The following ADD3 variants were observed in gnomAD, a reference collection of about 807,000 sequenced individuals.
The protein encoded by ADD3 is gamma-adducin.
In ADD3, 25 loss-of-function variants were observed where a neutral mutation model predicts 80.2. That is an observed-to-expected ratio of 0.31 (90% confidence interval 0.23 to 0.44). The LOEUF is 0.44. Among genes scored for constraint, ADD3 ranks in the 20% least tolerant of loss-of-function variants. The probability of loss-of-function intolerance (pLI) is 1.00; values close to 1 mark genes in which losing one functional copy is unlikely to be tolerated. For missense variants in ADD3, 829 were observed against 847.5 expected (o/e 0.98, Z 0.27); for synonymous variants, 284 against 289.6 (o/e 0.98, Z 0.20).
intron 1 of ADD3, among the ~76,000 whole-genome samples, chr10:110,063,784 A>ATATATATATAT (rs1230336153): frequency 7.5e-5 from 4 of 53,314 alleles, no homozygotes; most frequent in Non-Finnish European, 1.8e-4. Context: ...TATATATATA[A>ATATATATATAT]AGTGAACACC....
At chr10:110,100,562 C>T in intron 1 of ADD3, 63 bp from the exon 2 acceptor site, 1 of 1,102,338 alleles carries the variant, frequency 9.1e-7, no homozygotes, top group Non-Finnish European at 1.2e-6. Context: ...TCTGCTTGAC[C>T]CATGTAAATT....
At chr10:110,035,202 G>C (rs1430396497) in intron 1 of ADD3, among the ~76,000 whole-genome samples, 1 of 152,152 alleles carries the variant, frequency 6.6e-6, no homozygotes, top group Non-Finnish European at 1.5e-5. Context: ...TTTGTCCTTA[G>C]GGTTTCATTA....
intron 1 of ADD3, among the ~76,000 whole-genome samples, chr10:110,035,388 G>A (rs573615372): frequency 6.6e-6 from 1 of 152,268 alleles, no homozygotes; most frequent in East Asian, 1.9e-4. Flanking sequence ...AAACTCACTA[G>A]AACAGCCTTT....
intron 1 of ADD3, among the ~76,000 whole-genome samples, chr10:110,092,460 AAC>A (rs1847652360): frequency 6.6e-6 from 1 of 152,224 alleles, no homozygotes; most frequent in Non-Finnish European, 1.5e-5. Flanking sequence ...TAAGCAAATT[AAC>A]ACAGGAACAG....
In ADD3 at chr10:110,118,651, C is replaced by A. The variant is rs779863204; in HGVS notation, c.632C>A (p.Thr211Lys). ...QGSTNLKIDH[T>K]GFSPHAAIYS... ...AGTACCAATTTGAAAATTGACCATA[C>A]AGGATTCAGTCCCCATGCTGCAATC... The change falls in exon 6 of 15, where the codon ACA becomes AAA. Residue 211 changes from threonine (T) to lysine (K), a missense_variant. Coordinates refer to ENST00000356080, the MANE Select transcript of ADD3 (RefSeq NM_016824.5). The A allele has an allele frequency of 8.7e-6, 14 of 1,613,526 alleles. No homozygotes were observed. The highest frequency in any genetic ancestry group is 1.2e-5 in the Non-Finnish European group (14 of 1,179,450).
At chr10:110,063,438 T>G (rs1843444509) in intron 1 of ADD3, among the ~76,000 whole-genome samples, 1 of 152,016 alleles carries the variant, frequency 6.6e-6, no homozygotes, top group African/African-American at 2.4e-5. Context: ...ACATTTTGTA[T>G]AGGAGTATAT....
At chr10:110,041,640 C>A (rs1856374812) in intron 1 of ADD3, among the ~76,000 whole-genome samples, 1 of 152,148 alleles carries the variant, frequency 6.6e-6, no homozygotes, top group South Asian at 2.1e-4. Flanking sequence ...TGGGCAATTT[C>A]CACTGCTCTG....
At chr10:110,093,787 T>C (rs1201369526) in intron 1 of ADD3, among the ~76,000 whole-genome samples, 1 of 152,178 alleles carries the variant, frequency 6.6e-6, no homozygotes. Context: ...TTTTGCTAAG[T>C]ACTGATGGCA....
At chr10:110,019,667 A>T (rs755260997) in intron 1 of ADD3, among the ~76,000 whole-genome samples, 1 of 152,054 alleles carries the variant, frequency 6.6e-6, no homozygotes, top group Admixed American at 6.6e-5. Flanking sequence ...TTTCTTTTAT[A>T]TAAAATATGT....
Position 110,119,220 on chromosome 10 carries a change from A to G in ADD3, c.727A>G (p.Met243Val), listed in dbSNP as rs775766673. Residue 243 changes from methionine to valine, a missense_variant, in exon 7 of 15, where the codon ATG (methionine) becomes GTG (valine). By Grantham distance (21) the Met-to-Val change is conservative. Coordinates refer to ENST00000356080, the MANE Select transcript of ADD3 (RefSeq NM_016824.5). Reference protein sequence around the residue: ...HTLATAAVSSMKCGILPISQE... With the variant: ...HTLATAAVSSVKCGILPISQE... ...GGGCCAAACCAAATAGGTATCCTCC[A>G]TGAAATGTGGGATCCTTCCAATTTC... 1 of 1,614,040 alleles carries G rather than the reference A, an allele frequency of 6.2e-7. No individual in the cohort carries two copies. The highest frequency in any genetic ancestry group is 1.3e-5 in the African/African-American group (1 of 74,932).
intron 2 of ADD3, among the ~76,000 whole-genome samples, chr10:110,105,327 G>A (rs564551636): frequency 6.0e-4 from 92 of 152,116 alleles, no homozygotes; most frequent in African/African-American, 2.1e-3. Context: ...TTCTCAAAAC[G>A]AAGTGTTCAG....
intron 1 of ADD3, among the ~76,000 whole-genome samples, chr10:110,098,598 T>C (rs1456757370): frequency 6.6e-6 from 1 of 152,194 alleles, no homozygotes; most frequent in Non-Finnish European, 1.5e-5. Flanking sequence ...CCCATATTTC[T>C]TAAAGCAAAT....
intron 1 of ADD3, among the ~76,000 whole-genome samples, chr10:110,027,296 C>G (rs766040817): frequency 6.6e-6 from 1 of 152,032 alleles, no homozygotes; most frequent in Non-Finnish European, 1.5e-5. Flanking sequence ...TTCAGTGATG[C>G]CTTTTGTACA....
chr10:110,079,461 A>AGAGTGTGTGTGTGTGTGTGTGTGTGTGT (rs1443672023), intron 1 of ADD3, among the ~76,000 whole-genome samples: 3 of 97,434 alleles, frequency 3.1e-5, no homozygotes, highest in Non-Finnish European at 5.9e-5. Flanking sequence ...AGAGAGAGAG[A>AGAGTGTGTGTGTGTGTGTGTGTGTGTGT]GTGTGTGTGT....
At chr10:110,100,590 A>G in intron 1 of ADD3, 35 bp from the exon 2 acceptor site, 1 of 1,346,422 alleles carries the variant, frequency 7.4e-7, no homozygotes, top group Non-Finnish European at 9.8e-7. Context: ...TAATGAATTT[A>G]TCATGGATGT....
At chr10:110,020,766 T>A (rs1406979989) in intron 1 of ADD3, among the ~76,000 whole-genome samples, 1 of 152,154 alleles carries the variant, frequency 6.6e-6, no homozygotes, top group African/African-American at 2.4e-5. Context: ...ATTGATTGGA[T>A]TCTGGATATA....
At chr10:110,059,997 A>C (rs186173398) in intron 1 of ADD3, among the ~76,000 whole-genome samples, 2,239 of 152,314 alleles carry the variant, frequency 0.015, 31 homozygotes, top group South Asian at 0.022. Context: ...GGCTACTTGA[A>C]TGGGTGTATT....
intron 1 of ADD3, among the ~76,000 whole-genome samples, chr10:110,067,079 G>T (rs1170953358): frequency 3.9e-5 from 6 of 152,182 alleles, no homozygotes; most frequent in African/African-American, 1.2e-4. Context: ...TATGGTGAAA[G>T]CAAATGCTTG....
intron 1 of ADD3, among the ~76,000 whole-genome samples, chr10:110,000,347 G>T (rs1851462063): frequency 6.6e-6 from 1 of 152,206 alleles, no homozygotes; most frequent in Non-Finnish European, 1.5e-5. Flanking sequence ...TTTGTATTAT[G>T]TCAGAATATA....
Sources: gnomAD v4.1 joint callset for allele counts (sites outside exome capture counted in the v4.1 genomes callset) on GRCh38, gnomAD v4.1.1 for gene constraint, MANE v1.5 for transcripts, NCBI Gene and HGNC (gene_info 2026-07-23, HGNC 2026-07-21) for gene names.